Variants in DSCAML1 observed in about 807,000 individuals in gnomAD.
The protein encoded by DSCAML1 is DS cell adhesion molecule like 1.
In DSCAML1, 38 loss-of-function variants were observed where a neutral mutation model predicts 200.5. The ratio of observed to expected loss-of-function variants is 0.19; its 90% CI spans 0.15 to 0.25. The LOEUF (loss-of-function observed/expected upper bound fraction) is 0.25, where lower values mean the gene tolerates loss of function less well. Ranked by LOEUF, DSCAML1 falls within the 10% of genes least tolerant of loss-of-function variation. DSCAML1 has a pLI of 1.00. For missense variants in DSCAML1, 2,223 were observed against 2,858.8 expected (o/e 0.78, Z 5.07); for synonymous variants, 1,215 against 1,165.0 (o/e 1.04, Z -0.87).
intron 3 of DSCAML1, among the ~76,000 whole-genome samples, chr11:117,759,325 G>T (rs1482587172): frequency 5.3e-5 from 8 of 152,158 alleles, no homozygotes; most frequent in Non-Finnish European, 1.0e-4. Context: ...GCAGGACAGG[G>T]GAGATCATTG....
At chr11:117,816,558 C>G (rs1269363090) in intron 1 of DSCAML1, among the ~76,000 whole-genome samples, 2 of 152,220 alleles carry the variant, frequency 1.3e-5, no homozygotes, top group Non-Finnish European at 2.9e-5. Context: ...TAATCTCCCC[C>G]ACAGCAGCCC....
chr11:117,633,593 C>T (rs1431339469), intron 3 of DSCAML1, among the ~76,000 whole-genome samples: 4 of 152,114 alleles, frequency 2.6e-5, no homozygotes, highest in African/African-American at 9.7e-5. Context: ...CTCGTCTGGG[C>T]GATTTGAAAG....
At chr11:117,429,660 C>T (rs200761147) in intron 32 of DSCAML1, among the ~76,000 whole-genome samples, 4 of 152,204 alleles carry the variant, frequency 2.6e-5, no homozygotes, top group East Asian at 1.9e-4. Context: ...AGGCATGAGC[C>T]GCCGCACCCA....
intron 3 of DSCAML1, among the ~76,000 whole-genome samples, chr11:117,632,838 C>T (rs2052202376): frequency 6.6e-6 from 1 of 152,192 alleles, no homozygotes; most frequent in African/African-American, 2.4e-5. Context: ...ATGAAAAGGG[C>T]CCTATATGTA....
At chr11:117,644,181 C>A (rs575893085) in intron 3 of DSCAML1, among the ~76,000 whole-genome samples, 1 of 152,234 alleles carries the variant, frequency 6.6e-6, no homozygotes, top group Non-Finnish European at 1.5e-5. Context: ...TCCAGAAAAA[C>A]CCACTTCACA....
At chr11:117,740,771 T>C (rs2054407304) in intron 3 of DSCAML1, among the ~76,000 whole-genome samples, 1 of 152,222 alleles carries the variant, frequency 6.6e-6, no homozygotes, top group Non-Finnish European at 1.5e-5. Context: ...TATTTATTGT[T>C]CAAGAAATGA....
Position 117,498,965 on chromosome 11 carries a change from C to T in DSCAML1, c.2359+4880G>A, listed in dbSNP as rs1032283178. Reference sequence around the variant, plus strand: ...CAGAGTGGAAGAGAGTCTGGGAGGTCCAACGAGACCTGTCTAATAAGGTCA... The same window carrying T: ...CAGAGTGGAAGAGAGTCTGGGAGGTTCAACGAGACCTGTCTAATAAGGTCA... On this transcript the variant is annotated intron_variant, in intron 11 of 32. Transcript: ENST00000651296. The surrounding 1 kb of genome is among the most constrained non-coding windows in gnomAD (Gnocchi z 4.0). Among the ~76,000 whole-genome samples, 4 of 152,120 alleles carry T rather than the reference C, an allele frequency of 2.6e-5. No homozygotes were observed. The highest frequency in any genetic ancestry group is 9.7e-5 in the African/African-American group (4 of 41,432).
chr11:117,643,971 G>A (rs1390053405), intron 3 of DSCAML1, among the ~76,000 whole-genome samples: 1 of 152,218 alleles, frequency 6.6e-6, no homozygotes, highest in Admixed American at 6.5e-5. Flanking sequence ...TGAGGTAGGG[G>A]GCATGGAGAG....
At chr11:117,686,280 G>C (rs2053399662) in intron 3 of DSCAML1, among the ~76,000 whole-genome samples, 1 of 152,250 alleles carries the variant, frequency 6.6e-6, no homozygotes, top group African/African-American at 2.4e-5. Context: ...CATATGGGCA[G>C]AGGTGCGGTC....
Position 117,428,774 on chromosome 11 carries a change from T to C in DSCAML1, c.5716A>G (p.Lys1906Glu), listed in dbSNP as rs1165554541. ...GCCTTTCGAAAGAAGGCCTCTGACTTGGCATACAGGGGCAGGTTGCAGTAG... is the reference window on the plus strand; with the variant it reads ...GCCTTTCGAAAGAAGGCCTCTGACTCGGCATACAGGGGCAGGTTGCAGTAG... ...SDYCNLPLYA[K>E]SEAFFRKADG... The change falls in exon 33 of 33, where the codon AAG becomes GAG. Residue 1906 changes from lysine to glutamate, a missense_variant. Transcript: ENST00000651296. The C allele has an allele frequency of 1.9e-6, 3 of 1,609,244 alleles. No individual in the cohort carries two copies. In the Middle Eastern group the frequency reaches 5.1e-4, roughly 273 times the overall value.
At chr11:117,584,381 T>C (rs1446004385) in intron 3 of DSCAML1, among the ~76,000 whole-genome samples, 1 of 152,176 alleles carries the variant, frequency 6.6e-6, no homozygotes, top group Non-Finnish European at 1.5e-5. Flanking sequence ...CAAGATGGGA[T>C]GTTTAGGAGG....
At position 117,617,763 on chromosome 11, in the gene DSCAML1, G is replaced by A. The variant is rs74653360; in HGVS notation, c.512-85241C>T. Among the ~76,000 whole-genome samples, 15 of 151,708 alleles carry A rather than the reference G, an allele frequency of 9.9e-5. No individual in the cohort carries two copies. In the East Asian group the frequency reaches 2.7e-3, roughly 28 times the overall value. On this transcript the variant is annotated intron_variant, in intron 3 of 32. Transcript: ENST00000651296. ...TCCCTGAAGCACCGTGACCCAGAAT[G>A]AGTCTTTGTTTCCAGGCCACAGGAT...
intron 3 of DSCAML1, among the ~76,000 whole-genome samples, chr11:117,583,825 C>G (rs1043203462): frequency 6.6e-6 from 1 of 152,220 alleles, no homozygotes; most frequent in African/African-American, 2.4e-5. Flanking sequence ...TCCCACATTC[C>G]TTGTGATCAT....
intron 3 of DSCAML1, among the ~76,000 whole-genome samples, chr11:117,741,928 C>T (rs1216937248): frequency 6.6e-6 from 1 of 152,148 alleles, no homozygotes; most frequent in East Asian, 1.9e-4. Context: ...AAAATTGGAC[C>T]CTGGTGGCCA....
intron 3 of DSCAML1, among the ~76,000 whole-genome samples, chr11:117,555,491 G>A (rs1293476682): frequency 6.6e-6 from 1 of 152,198 alleles, no homozygotes; most frequent in African/African-American, 2.4e-5. Context: ...GTCAGGGAAG[G>A]TGTCACAGAG....
intron 15 of DSCAML1, among the ~76,000 whole-genome samples, chr11:117,470,308 G>T (rs1261011302): frequency 1.2e-4 from 18 of 152,226 alleles, no homozygotes; most frequent in Admixed American, 1.2e-3. Flanking sequence ...GGGCGCGGTG[G>T]CTCACACCTG....
intron 3 of DSCAML1, among the ~76,000 whole-genome samples, chr11:117,693,210 C>T (rs2053529591): frequency 6.6e-6 from 1 of 152,236 alleles, no homozygotes; most frequent in African/African-American, 2.4e-5. Context: ...CCGTTACTAT[C>T]TGAACCTACA....
chr11:117,507,489 C>T (rs1444282548), intron 8 of DSCAML1, among the ~76,000 whole-genome samples: 1 of 152,192 alleles, frequency 6.6e-6, no homozygotes, highest in Admixed American at 6.5e-5. Flanking sequence ...ACCCAGGCAG[C>T]CCTTTGGATC....
chr11:117,504,064 G>T lies in DSCAML1; in HGVS notation c.2183-43C>A. 1 of 1,601,986 alleles carries T rather than the reference G, an allele frequency of 6.2e-7. No individual in the cohort carries two copies. Among genetic ancestry groups the T allele is most frequent in the Non-Finnish European group, 8.5e-7 (1 of 1,173,146 alleles). On this transcript the variant is annotated intron_variant, in intron 10 of 32. Transcript: ENST00000651296. The surrounding 1 kb of genome is among the most constrained non-coding windows in gnomAD (Gnocchi z 5.0). ...TTAGGAGGGCTGAGTCTGCACTGGGGCATAAGCTGAGAGTGCCCCAGGAGT... is the reference window on the plus strand; with the variant it reads ...TTAGGAGGGCTGAGTCTGCACTGGGTCATAAGCTGAGAGTGCCCCAGGAGT...
Sources: allele counts gnomAD v4.1 joint callset (sites outside exome capture counted in the v4.1 genomes callset), GRCh38; gene constraint gnomAD v4.1.1; non-coding constraint Gnocchi (gnomAD v3.1); transcripts MANE v1.5; gene names NCBI Gene and HGNC (gene_info 2026-07-23, HGNC 2026-07-21).